The following ZNF577 variants were observed in gnomAD, a reference collection of about 807,000 sequenced individuals.
ZNF577 encodes zinc finger protein 577.
A neutral mutation model predicts 13.9 loss-of-function variants in ZNF577; 14 were observed. The observed-to-expected ratio is 1.00, with a 90% CI of 0.66 to 1.57. The LOEUF is 1.57. Among genes scored for constraint, ZNF577 ranks in the 40% most tolerant of loss-of-function variants. ZNF577 has a pLI of 0.00. For missense variants in ZNF577, 555 were observed against 579.2 expected (o/e 0.96, Z 0.43); for synonymous variants, 203 against 202.9 (o/e 1.00, Z 0.00).
chr19:51,822,445 A>AG (rs1479162038), intron 9 of ZNF577, among the ~76,000 whole-genome samples: 1 of 152,240 alleles, frequency 6.6e-6, no homozygotes, highest in South Asian at 2.1e-4. Context: ...TTGTGGGGGG[A>AG]GGGGGCATCA....
At chr19:51,820,203 G>A (rs1438252853) in intron 9 of ZNF577, among the ~76,000 whole-genome samples, 4 of 152,192 alleles carry the variant, frequency 2.6e-5, no homozygotes, top group Admixed American at 2.6e-4. Flanking sequence ...ACGTGCTGGA[G>A]AAGCACAGAT....
intron 1 of ZNF577, among the ~76,000 whole-genome samples, chr19:51,884,199 C>T (rs2084907700): frequency 6.6e-6 from 1 of 151,148 alleles, no homozygotes; most frequent in Non-Finnish European, 1.5e-5. Context: ...ACTGCTTGAG[C>T]CCAGGAGTTC....
chr19:51,863,847 T>A (rs116483426), downstream of ZNF577, among the ~76,000 whole-genome samples: 2,248 of 152,358 alleles, frequency 0.015, 66 homozygotes, highest in African/African-American at 0.052. Flanking sequence ...TAGGTGCTGG[T>A]TGCACAGTGT....
In ZNF577 at chr19:51,861,106, ACTCT is replaced by A. The variant is rs1200413436; in HGVS notation, c.283+16172_283+16175del. 1.4e-3 allele frequency: 356 copies of A among 252,170 alleles called. 1 individual carries two copies. The highest frequency in any genetic ancestry group is 5.8e-3 in the African/African-American group (200 of 34,232). 15.6% of individuals were successfully genotyped at this position (252,170 alleles called of 1,614,324 possible). A position where few individuals can be genotyped will look rare whatever the true frequency, so the allele number is the denominator to read the frequency against. ...TTGACAATCACTGCACTCATAATTG[ACTCT>A]CTCTTTTTTTTTTTTTTTTTTTTTT... is the stretch of plus-strand genomic sequence containing the variant. On this transcript the variant is annotated intron_variant and NMD_transcript_variant, in intron 5 of 10. Coordinates refer to the ZNF577 transcript ENST00000638827.
rs760759642 is a variant in ZNF577, at chr19:51,880,341, T to C, written c.42A>G (p.Gln14=). ...ATIVMSVRRE[Q]GSSSGEGSLS... is the part of the protein sequence containing the mutation. ...AATTTACCTCCCCTGAAGAACTGCC[T>C]TGCTCTCTCCTCACAGACATTACAA... The change falls in exon 3 of 6, where the codon CAA becomes CAG. Residue 14 remains glutamine, a synonymous_variant. Coordinates refer to ENST00000638348, the MANE Select transcript of ZNF577 (RefSeq NM_001370449.1). 3 of 1,614,150 alleles carry C rather than the reference T, an allele frequency of 1.9e-6. No homozygotes were observed. In the South Asian group the frequency reaches 3.3e-5, roughly 18 times the overall value.
chr19:51,827,037 C>T (rs2084235582), intron 9 of ZNF577, among the ~76,000 whole-genome samples: 1 of 152,098 alleles, frequency 6.6e-6, no homozygotes, highest in Admixed American at 6.5e-5. Context: ...GCCCAGGTGT[C>T]TCTGGCCACA....
intron 9 of ZNF577, among the ~76,000 whole-genome samples, chr19:51,814,327 T>C (rs1018599371): frequency 6.6e-6 from 1 of 152,218 alleles, no homozygotes; most frequent in Non-Finnish European, 1.5e-5. Context: ...TTGAACTAAA[T>C]TTGTTGTAAT....
Position 51,880,664 on chromosome 19 carries a change from T to C in ZNF577, c.-20+15A>G, listed in dbSNP as rs1030565544. ...ATTGGGAAACAAACGACAAAATAGGTAAAACAAACCTCACCTGGGCCTTGC... is the reference window on the plus strand; with the variant it reads ...ATTGGGAAACAAACGACAAAATAGGCAAAACAAACCTCACCTGGGCCTTGC... On this transcript the variant is annotated intron_variant, in intron 2 of 5. Transcript: ENST00000638348. The C allele has an allele frequency of 1.2e-4, 53 of 454,252 alleles. No homozygotes were observed. The highest frequency in any genetic ancestry group is 1.0e-3 in the African/African-American group (50 of 50,062). 28.1% of individuals were successfully genotyped at this position (454,252 alleles called of 1,614,324 possible).
intron 5 of ZNF577, chr19:51,860,838 A>T (rs1306764681): frequency 2.8e-6 from 1 of 356,798 alleles, no homozygotes; most frequent in Non-Finnish European, 5.3e-6. Flanking sequence ...CATTCACTGT[A>T]TCTATGAGAT....
chr19:51,887,490 A>G lies in ZNF577; in HGVS notation c.-888T>C, dbSNP rs2084966770. On this transcript the variant is annotated 5_prime_UTR_variant, in exon 1 of 6. Coordinates refer to ENST00000638348, the MANE Select transcript of ZNF577 (RefSeq NM_001370449.1). ...TGAAAACCCATTTTCTACAGAATATACAGCAGCAGGGAAGCAAGGGGACCA... is the reference window on the plus strand; with the variant it reads ...TGAAAACCCATTTTCTACAGAATATGCAGCAGCAGGGAAGCAAGGGGACCA... 6.6e-6 allele frequency: 1 copy of G among 152,222 alleles called. No homozygotes were observed. Among genetic ancestry groups the G allele is most frequent in the African/African-American group, 2.4e-5 (1 of 41,430 alleles). The allele number at this position is 152,222 out of a possible 1,614,324, so 9.4% of individuals were successfully genotyped here. A position where few individuals can be genotyped will look rare whatever the true frequency, so the allele number is the denominator to read the frequency against.
chr19:51,832,249 T>C, intron 9 of ZNF577, among the ~76,000 whole-genome samples: 1 of 152,204 alleles, frequency 6.6e-6, no homozygotes, highest in Admixed American at 6.5e-5. Context: ...AAGCCTGAGG[T>C]AGACACCTGG....
At chr19:51,860,343 A>G (rs900171666) in intron 5 of ZNF577, 6 of 152,224 alleles carry the variant, frequency 3.9e-5, no homozygotes, top group Non-Finnish European at 7.3e-5. Context: ...TCCTCCACAG[A>G]AATTATTTCC....
intron 9 of ZNF577, among the ~76,000 whole-genome samples, chr19:51,832,035 G>A (rs1599845603): frequency 6.6e-6 from 1 of 152,100 alleles, no homozygotes; most frequent in East Asian, 1.9e-4. Context: ...AAATATTTTA[G>A]TTCTTTTCAT....
At chr19:51,807,860 T>C (rs1422178201) in intron 10 of ZNF577, among the ~76,000 whole-genome samples, 3 of 152,210 alleles carry the variant, frequency 2.0e-5, no homozygotes, top group Non-Finnish European at 4.4e-5. Flanking sequence ...CTGTAAGCAT[T>C]TGTGACCTAT....
At chr19:51,818,137 A>G (rs1275914573) in intron 9 of ZNF577, among the ~76,000 whole-genome samples, 1 of 152,150 alleles carries the variant, frequency 6.6e-6, no homozygotes, top group Non-Finnish European at 1.5e-5. Flanking sequence ...AGTGCTTGCT[A>G]TTTTTCTCAT....
intron 10 of ZNF577, among the ~76,000 whole-genome samples, chr19:51,808,956 T>C (rs983301568): frequency 2.0e-5 from 3 of 152,210 alleles, no homozygotes; most frequent in Non-Finnish European, 4.4e-5. Context: ...ATTCTAATAG[T>C]GAGGCAGTGG....
chr19:51,860,312 G>T (rs1008566208), intron 5 of ZNF577: 1 of 152,196 alleles, frequency 6.6e-6, no homozygotes, highest in Non-Finnish European at 1.5e-5. Context: ...TTAAAAGCTT[G>T]TGATGTTTAA....
rs1364714960 is a variant in ZNF577 at position 51,873,047 on chromosome 19, T to C, written c.943A>G (p.Arg315Gly). The stretch of plus-strand genomic sequence containing the variant: ...TCTCCCGTATGAATCCTCTGATGTC[T>C]GGTCAGGTCTGACTTAAAATAGAAG... Reference protein sequence around the residue: ...RTFYFKSDLTRHQRIHTGEKP... With the variant: ...RTFYFKSDLTGHQRIHTGEKP... Residue 315 changes from arginine to glycine, a missense_variant, in exon 6 of 6, where the codon AGA becomes GGA. Transcript: ENST00000638348. 6.2e-7 allele frequency: 1 copy of C among 1,614,242 alleles called. No homozygotes were observed. The highest frequency in any genetic ancestry group is 1.7e-5 in the Admixed American group (1 of 60,032).
chr19:51,815,011 T>C (rs2084124846), intron 9 of ZNF577, among the ~76,000 whole-genome samples: 1 of 150,886 alleles, frequency 6.6e-6, no homozygotes, highest in Admixed American at 6.6e-5. Context: ...GGTTTCACCT[T>C]GTTGCCCAGG....
Sources: gnomAD v4.1 joint callset for allele counts (sites outside exome capture counted in the v4.1 genomes callset) on GRCh38, gnomAD v4.1.1 for gene constraint, MANE v1.5 for transcripts, NCBI Gene and HGNC (gene_info 2026-07-23, HGNC 2026-07-21) for gene names.